GAD2: variants seen among roughly 807,000 people sequenced by gnomAD.
GAD2 encodes the protein glutamate decarboxylase 2.
Under a neutral mutation model 80.1 loss-of-function variants are expected in GAD2, and 22 were observed. The ratio of observed to expected loss-of-function variants is 0.27; its 90% CI spans 0.20 to 0.39. The LOEUF (loss-of-function observed/expected upper bound fraction) is 0.39. GAD2 is among the 10% of genes least tolerant of loss of function. GAD2 has a pLI of 1.00. For missense variants in GAD2, 624 were observed against 738.4 expected (o/e 0.85, Z 1.80); for synonymous variants, 274 against 256.9 (o/e 1.07, Z -0.64).
At chr10:26,237,708 T>C (rs1844692278) in intron 7 of GAD2, among the ~76,000 whole-genome samples, 1 of 152,058 alleles carries the variant, frequency 6.6e-6, no homozygotes, top group Non-Finnish European at 1.5e-5. Context: ...ATATTTATTT[T>C]AAGAAGTAAA....
chr10:26,262,933 A>T (rs1845026540), intron 8 of GAD2, among the ~76,000 whole-genome samples: 1 of 152,054 alleles, frequency 6.6e-6, no homozygotes, highest in African/African-American at 2.4e-5. Flanking sequence ...TGAGGTGGTC[A>T]GCACACCTTC....
chr10:26,286,537 C>T (rs200978204), intron 13 of GAD2, 43 bp downstream of exon 13: 2 of 1,549,882 alleles, frequency 1.3e-6, no homozygotes, highest in Non-Finnish European at 1.7e-6. Flanking sequence ...AAAAACAGAA[C>T]CTTTATCTGG....
intron 8 of GAD2, among the ~76,000 whole-genome samples, chr10:26,266,235 CA>C (rs1348340990): frequency 6.6e-6 from 1 of 152,212 alleles, no homozygotes; most frequent in Non-Finnish European, 1.5e-5. Context: ...TGGCACATAG[CA>C]AGTGCTCAAT....
intron 11 of GAD2, among the ~76,000 whole-genome samples, chr10:26,274,883 A>G (rs566220968): frequency 6.6e-6 from 1 of 152,356 alleles, no homozygotes; most frequent in South Asian, 2.1e-4. Context: ...ACTGTCCCTG[A>G]GTCTGATGGC....
intron 4 of GAD2, among the ~76,000 whole-genome samples, chr10:26,221,622 CT>C: frequency 6.6e-6 from 1 of 152,304 alleles, no homozygotes; most frequent in Middle Eastern, 3.4e-3. Flanking sequence ...TTTGGACCGA[CT>C]TTTGGCCTCT....
At position 26,217,823 on chromosome 10, in the gene GAD2, G is replaced by T. The variant is rs112021218; in HGVS notation, c.137-19G>T. ...CCGGCGGAGGATTGACGAGGCCCGCGTTCGGTGTCCTTACCCAGCCCTGCT... is the reference window on the plus strand; with the variant it reads ...CCGGCGGAGGATTGACGAGGCCCGCTTTCGGTGTCCTTACCCAGCCCTGCT... On this transcript the variant is annotated intron_variant, in intron 2 of 15. Transcript: ENST00000376261. This position sits in a 1 kb window ranked among gnomAD's most constrained non-coding sequence, Gnocchi z 4.9. 4.8e-3 allele frequency: 7,701 copies of T among 1,592,866 alleles called. 291 individuals are homozygous for T. In the African/African-American group the frequency reaches 0.083, roughly 17 times the overall value.
At chr10:26,260,690 G>A (rs1056452322) in intron 8 of GAD2, among the ~76,000 whole-genome samples, 1 of 152,110 alleles carries the variant, frequency 6.6e-6, no homozygotes, top group Non-Finnish European at 1.5e-5. Flanking sequence ...TCTATGCTGA[G>A]TTATGATACT....
At chr10:26,280,941 C>A in intron 11 of GAD2, 68 bp from the exon 12 acceptor site, 1 of 946,812 alleles carries the variant, frequency 1.1e-6, no homozygotes, top group African/African-American at 1.6e-5. Flanking sequence ...GAAACTGAAG[C>A]TCAGTTGCGC....
At chr10:26,257,997 G>A (rs1054497747) in intron 8 of GAD2, among the ~76,000 whole-genome samples, 1 of 152,180 alleles carries the variant, frequency 6.6e-6, no homozygotes, top group Non-Finnish European at 1.5e-5. Context: ...CATATTTCCT[G>A]TGGGTGTAGA....
At chr10:26,275,984 C>T (rs1419242880) in intron 11 of GAD2, among the ~76,000 whole-genome samples, 1 of 151,990 alleles carries the variant, frequency 6.6e-6, no homozygotes, top group Non-Finnish European at 1.5e-5. Context: ...GACTCCATCT[C>T]TACAAAAAGA....
At chr10:26,272,909 G>T (rs1554852843) in intron 10 of GAD2, among the ~76,000 whole-genome samples, 2 of 152,158 alleles carry the variant, frequency 1.3e-5, no homozygotes, top group African/African-American at 4.8e-5. Context: ...ACAACAAAAG[G>T]TGGGGGGAAG....
At chr10:26,294,159 G>GTTCT (rs963343919) in intron 15 of GAD2, among the ~76,000 whole-genome samples, 9 of 152,308 alleles carry the variant, frequency 5.9e-5, no homozygotes, top group African/African-American at 2.2e-4. Context: ...TGGTTTGGGG[G>GTTCT]TTCTTTTCAT....
chr10:26,282,903 G>A (rs1845287676), intron 12 of GAD2, among the ~76,000 whole-genome samples: 1 of 152,076 alleles, frequency 6.6e-6, no homozygotes. Context: ...TATCCTTTTG[G>A]ACTGGTTTTT....
intron 15 of GAD2, among the ~76,000 whole-genome samples, chr10:26,300,235 A>G (rs1360801403): frequency 1.3e-5 from 2 of 152,170 alleles, no homozygotes; most frequent in Admixed American, 6.6e-5. Flanking sequence ...TTTTTGTCCC[A>G]GCTAATTATC....
chr10:26,219,127 A>C lies in GAD2; in HGVS notation c.371A>C (p.Lys124Thr), dbSNP rs1391709227. The change falls in exon 4 of 16, where the codon AAA becomes ACA. Residue 124 changes from lysine to threonine, a missense_variant. Lys to Thr is a moderately conservative substitution (Grantham distance 78). Coordinates refer to ENST00000376261, the MANE Select transcript of GAD2 (RefSeq NM_001134366.2). ...AACATTTTACTTCAGTATGTGGTGA[A>C]AAGTTTCGATAGATCAACCAAAGTG... is the stretch of plus-strand genomic sequence containing the variant. ...VMNILLQYVV[K>T]SFDRSTKVID... is the part of the protein sequence containing the mutation. 6.2e-7 allele frequency: 1 copy of C among 1,613,558 alleles called. No homozygotes were observed. Among genetic ancestry groups the C allele is most frequent in the Non-Finnish European group, 8.5e-7 (1 of 1,179,810 alleles).
rs8190712 is a variant in GAD2 at position 26,270,474 on chromosome 10, A to T, written c.976-166A>T. Among the ~76,000 whole-genome samples the T allele has an allele frequency of 3.2e-3, 490 of 152,334 alleles. 2 individuals carry two copies. Among genetic ancestry groups the T allele is most frequent in the African/African-American group, 0.011 (476 of 41,564 alleles). On this transcript the variant is annotated intron_variant, in intron 9 of 15. Coordinates refer to ENST00000376261, the MANE Select transcript of GAD2 (RefSeq NM_001134366.2). ...AGCCTAGAGAACTCAGATTCCAGAG[A>T]GTGAACATCAATTTGTCCCAGACCC...
chr10:26,227,208 G>A (rs1844537674), intron 6 of GAD2, among the ~76,000 whole-genome samples: 1 of 152,170 alleles, frequency 6.6e-6, no homozygotes, highest in Admixed American at 6.5e-5. Context: ...GGCCAGGCTG[G>A]TCTTGAATTC....
chr10:26,265,660 G>A (rs1845064056), intron 8 of GAD2, among the ~76,000 whole-genome samples: 2 of 152,136 alleles, frequency 1.3e-5, no homozygotes, highest in African/African-American at 4.8e-5. Context: ...AGCATCAGTG[G>A]CCACTTAACT....
chr10:26,216,659 C>T, upstream of GAD2: 1 of 507,516 alleles, frequency 2.0e-6, no homozygotes, highest in Non-Finnish European at 3.4e-6. The surrounding 1 kb of genome is among the most constrained non-coding windows in gnomAD (Gnocchi z 4.7). Context: ...TCTGTTCCTG[C>T]GTGACACCCG....
Sources: gnomAD v4.1 joint callset for allele counts (sites outside exome capture counted in the v4.1 genomes callset) on GRCh38, gnomAD v4.1.1 for gene constraint, Gnocchi (gnomAD v3.1) non-coding constraint, MANE v1.5 for transcripts, NCBI Gene and HGNC (gene_info 2026-07-23, HGNC 2026-07-21) for gene names.